The following DLGAP1 variants were observed in gnomAD, a reference collection of about 807,000 sequenced individuals.
The protein encoded by DLGAP1 is disks large-associated protein 1.
A neutral mutation model predicts 90.8 loss-of-function variants in DLGAP1; 11 were observed. That is an observed-to-expected ratio of 0.12 (90% CI 0.08 to 0.20). The LOEUF (loss-of-function observed/expected upper bound fraction) is 0.20. Among genes scored for constraint, DLGAP1 ranks in the 10% least tolerant of loss-of-function variants. The pLI, the probability that DLGAP1 is intolerant of heterozygous loss-of-function variation, is 1.00. For synonymous variants in DLGAP1, 558 were observed against 540.7 expected, an observed-to-expected ratio of 1.03 and a Z score of -0.44; for missense variants, 1,050 against 1,333.8, an observed-to-expected ratio of 0.79 and a Z score of 3.31.
chr18:3,992,557 G>A (rs930471), intron 3 of DLGAP1, among the ~76,000 whole-genome samples: 138,654 of 152,136 alleles, frequency 0.91, 63,271 homozygotes, highest in East Asian at 1. Context: ...GCACAACTGT[G>A]GTCTCAGCTA....
intron 4 of DLGAP1, among the ~76,000 whole-genome samples, chr18:3,871,728 T>C (rs994308661): frequency 1.3e-5 from 2 of 152,244 alleles, no homozygotes; most frequent in Non-Finnish European, 2.9e-5. Flanking sequence ...TTCATAGTCA[T>C]ACCTCTTCCA....
At chr18:3,525,211 G>A (rs2051539083) in intron 10 of DLGAP1, among the ~76,000 whole-genome samples, 2 of 151,910 alleles carry the variant, frequency 1.3e-5, no homozygotes, top group African/African-American at 4.8e-5. Flanking sequence ...CGTAGAAGAT[G>A]GTCATTCTTT....
At chr18:3,945,758 T>G (rs1161587345) in intron 3 of DLGAP1, among the ~76,000 whole-genome samples, 1 of 148,290 alleles carries the variant, frequency 6.7e-6, no homozygotes, top group African/African-American at 2.5e-5. Flanking sequence ...AATGTGCACA[T>G]GTACCCTAAA....
rs572902288 is a variant in DLGAP1 at position 4,001,567 on chromosome 18, C to G, written c.-73+3549G>C. ...CCTAGCTCTAGAGATTTAGAGCTGC[C>G]TTTTCTGTTATTTTTGGATGTGTTT... On this transcript the variant is annotated intron_variant, in intron 3 of 12. Transcript: ENST00000315677. Among the ~76,000 whole-genome samples the G allele has an allele frequency of 1.8e-3, 269 of 152,098 alleles. 2 individuals are homozygous for G. Among genetic ancestry groups the G allele is most frequent in the African/African-American group, 6.3e-3 (261 of 41,474 alleles).
chr18:4,430,537 TGTG>T (rs2083266703), intron 1 of DLGAP1: 1 of 153,026 alleles, frequency 6.5e-6, no homozygotes, highest in African/African-American at 2.4e-5. Context: ...TGTGTGTGTG[TGTG>T]TCTGTGATTC....
intron 1 of DLGAP1, among the ~76,000 whole-genome samples, chr18:4,160,414 A>T (rs1464397812): frequency 6.6e-6 from 1 of 152,166 alleles, no homozygotes; most frequent in Non-Finnish European, 1.5e-5. Context: ...CCTCTGTATA[A>T]GCTTAACTTC....
intron 7 of DLGAP1, among the ~76,000 whole-genome samples, chr18:3,709,511 T>TGTATA (rs1483269069): frequency 6.6e-6 from 1 of 152,226 alleles, no homozygotes; most frequent in African/African-American, 2.4e-5. Context: ...ACATGTCCAC[T>TGTATA]GTATACAATC....
At chr18:3,528,483 T>G (rs1221594597) in intron 10 of DLGAP1, among the ~76,000 whole-genome samples, 1 of 152,186 alleles carries the variant, frequency 6.6e-6, no homozygotes, top group Admixed American at 6.5e-5. Flanking sequence ...AGGAGGACAG[T>G]GCCAGGCAAC....
intron 1 of DLGAP1, chr18:4,280,897 T>A (rs1399259081): frequency 6.6e-6 from 1 of 152,216 alleles, no homozygotes; most frequent in African/African-American, 2.4e-5. Flanking sequence ...TTGTTACTAA[T>A]CCCACCCTCA....
intron 3 of DLGAP1, among the ~76,000 whole-genome samples, chr18:3,933,000 C>T (rs191949386): frequency 1.1e-4 from 17 of 152,252 alleles, no homozygotes; most frequent in African/African-American, 2.9e-4. Flanking sequence ...GCTGTCCAAA[C>T]GAGTTCCCCA....
intron 1 of DLGAP1, among the ~76,000 whole-genome samples, chr18:4,243,713 T>C (rs1016988065): frequency 6.6e-6 from 1 of 152,192 alleles, no homozygotes; most frequent in Non-Finnish European, 1.5e-5. Context: ...CATTTTGGGA[T>C]ATCTCCTTGG....
chr18:4,086,522 T>C (rs79372997), intron 2 of DLGAP1, among the ~76,000 whole-genome samples: 6,388 of 152,292 alleles, frequency 0.042, 446 homozygotes, highest in African/African-American at 0.15. Context: ...TTAATTCCAC[T>C]GAAAATGATT....
rs2057485527 is a variant in DLGAP1 at position 3,609,362 on chromosome 18, GAAGGCTGC to G, written c.1592-27122_1592-27115del. On this transcript the variant is annotated intron_variant, in intron 7 of 12. Coordinates refer to ENST00000315677, the MANE Select transcript of DLGAP1 (RefSeq NM_004746.4). ...TCACCCGGGCCTGAGTCTTCCTTTG[GAAGGCTGC>G]TGTATCATGTGAAACTTATGTTAAA... Among the ~76,000 whole-genome samples, 3 of 152,178 alleles carry G rather than the reference GAAGGCTGC, an allele frequency of 2.0e-5. No homozygotes were observed. In the East Asian group the frequency reaches 5.8e-4, roughly 29 times the overall value.
intron 5 of DLGAP1, among the ~76,000 whole-genome samples, chr18:3,800,067 G>A (rs2066215295): frequency 6.6e-6 from 1 of 152,160 alleles, no homozygotes; most frequent in South Asian, 2.1e-4. Context: ...TCAACCCCGA[G>A]TGGCATAGTC....
intron 1 of DLGAP1, among the ~76,000 whole-genome samples, chr18:4,183,799 C>A (rs1325777397): frequency 6.6e-6 from 1 of 152,112 alleles, no homozygotes; most frequent in East Asian, 1.9e-4. Flanking sequence ...TAAATTAATT[C>A]TCCCTCTTGG....
At chr18:3,963,048 G>A (rs1202558975) in intron 3 of DLGAP1, among the ~76,000 whole-genome samples, 1 of 152,136 alleles carries the variant, frequency 6.6e-6, no homozygotes, top group Non-Finnish European at 1.5e-5. Flanking sequence ...GAGAAGTGCT[G>A]TTTTCTATTC....
chr18:3,848,860 A>C (rs2069175506), intron 4 of DLGAP1, among the ~76,000 whole-genome samples: 1 of 152,082 alleles, frequency 6.6e-6, no homozygotes, highest in African/African-American at 2.4e-5. Context: ...CTTCCACTCC[A>C]TCCAAAAGGA....
Position 3,600,877 on chromosome 18 carries a change from TATAG to T in DLGAP1, c.1592-18633_1592-18630del, listed in dbSNP as rs376715358. ...ATAGATATATATAGATATATAGATATATAGATAGATATATAGATATATATAGATA... is the reference window on the plus strand; with the variant it reads ...ATAGATATATATAGATATATAGATATATAGATATATAGATATATATAGATA... On this transcript the variant is annotated intron_variant, in intron 7 of 12. Coordinates refer to ENST00000315677, the MANE Select transcript of DLGAP1 (RefSeq NM_004746.4). Among the ~76,000 whole-genome samples the T allele has an allele frequency of 5.8e-3, 129 of 22,410 alleles. 13 individuals carry two copies. The highest frequency in any genetic ancestry group is 0.045 in the East Asian group (43 of 946). The allele number at this position is 22,410 out of a possible 152,430, so 14.7% of individuals were successfully genotyped here.
chr18:3,498,249 C>T lies in DLGAP1; in HGVS notation c.*936G>A, dbSNP rs1360336533. 6.6e-6 allele frequency: 1 copy of T among 152,156 alleles called. No individual in the cohort carries two copies. The highest frequency in any genetic ancestry group is 1.5e-5 in the Non-Finnish European group (1 of 68,032). 9.4% of individuals were successfully genotyped at this position (152,156 alleles called of 1,614,324 possible). A position where few individuals can be genotyped will look rare whatever the true frequency, so the allele number is the denominator to read the frequency against. On this transcript the variant is annotated 3_prime_UTR_variant, in exon 13 of 13. Transcript: ENST00000315677. ...ACACTTAACAAATTAATAGAACCAA[C>T]ACTTTCCCTTTAAAAACAGCCGCCA...
Sources: gnomAD v4.1 joint callset for allele counts (sites outside exome capture counted in the v4.1 genomes callset) on GRCh38, gnomAD v4.1.1 for gene constraint, MANE v1.5 for transcripts, NCBI Gene and HGNC (gene_info 2026-07-23, HGNC 2026-07-21) for gene names.